Variants in POMT1 observed in about 807,000 individuals in gnomAD.
POMT1 encodes protein O-mannosyl-transferase 1.
A neutral mutation model predicts 101.6 loss-of-function variants in POMT1; 85 were observed. The observed-to-expected ratio is 0.84, with a 90% CI of 0.70 to 1.00. The LOEUF (loss-of-function observed/expected upper bound fraction) is 1.00, where lower values mean the gene tolerates loss of function less well. Ranked by LOEUF, POMT1 falls within the 50% of genes least tolerant of loss-of-function variation. The probability of loss-of-function intolerance (pLI) is 0.00; values close to 1 mark genes in which losing one functional copy is unlikely to be tolerated. For synonymous variants in POMT1, 371 were observed against 383.0 expected (o/e 0.97, Z 0.37); for missense variants, 857 against 930.4 (o/e 0.92, Z 1.03).
chr9:131,517,185 C>T (rs568661200), intron 13 of POMT1, among the ~76,000 whole-genome samples: 12 of 152,212 alleles, frequency 7.9e-5, no homozygotes, highest in Admixed American at 1.3e-4. Flanking sequence ...GAGTTAGCAC[C>T]ACGTCCTCAT....
At chr9:131,518,144 A>C in intron 13 of POMT1, 1 of 434,678 alleles carries the variant, frequency 2.3e-6, no homozygotes, top group Non-Finnish European at 4.5e-6. Context: ...TCTGAGCCCT[A>C]TGAATAGGCT....
At position 131,523,529 on chromosome 9, in the gene POMT1, C is replaced by T. The variant is rs1950367204; in HGVS notation, c.*423C>T. ...ACCCAGCAACCTGAGCAAGTCCCGG[C>T]CCTGCCCTCAGCGAGCCCGGCAGGC... On this transcript the variant is annotated 3_prime_UTR_variant, in exon 20 of 20. Coordinates refer to ENST00000402686, the MANE Select transcript of POMT1 (RefSeq NM_001077365.2). 3.5e-5 allele frequency: 10 copies of T among 285,664 alleles called. No homozygotes were observed. The highest frequency in any genetic ancestry group is 3.2e-4 in the South Asian group (9 of 28,446). 17.7% of individuals were successfully genotyped at this position (285,664 alleles called of 1,614,324 possible).
At chr9:131,513,470 A>G in intron 12 of POMT1, 139 bp downstream of exon 12, 2 of 846,716 alleles carry the variant, frequency 2.4e-6, no homozygotes, top group Non-Finnish European at 3.9e-6. Context: ...TCTTAGACCT[A>G]CATTTGATGC....
In POMT1 at chr9:131,522,744, CA is replaced by C. The variant is rs1296716820; in HGVS notation, c.2004-187del. On this transcript the variant is annotated intron_variant, in intron 19 of 19. Coordinates refer to ENST00000402686, the MANE Select transcript of POMT1 (RefSeq NM_001077365.2). This position sits in a 1 kb window ranked among gnomAD's most constrained non-coding sequence, Gnocchi z 5.5. Reference sequence around the variant, plus strand: ...CCACTGTGGAGGCCTGAGGAGTCATCAGGGGGCCCCTCTCAGTGCATCCAGG... The same window carrying C: ...CCACTGTGGAGGCCTGAGGAGTCATCGGGGGCCCCTCTCAGTGCATCCAGG... Among the ~76,000 whole-genome samples, 3 of 152,150 alleles carry C rather than the reference CA, an allele frequency of 2.0e-5. No homozygotes were observed. The highest frequency in any genetic ancestry group is 3.8e-4 in the East Asian group (2 of 5,198).
chr9:131,507,524 G>A lies in POMT1; in HGVS notation c.427+10G>A. The A allele has an allele frequency of 1.2e-6, 2 of 1,614,006 alleles. No homozygotes were observed. The highest frequency in any genetic ancestry group is 1.1e-5 in the South Asian group (1 of 91,078). ...CTGTTGATGCTTATCGGTAAGACCT[G>A]CGCCCCTGCCTGCTCTTGCTGTCAT... On this transcript the variant is annotated intron_variant, in intron 5 of 19. Coordinates refer to ENST00000402686, the MANE Select transcript of POMT1 (RefSeq NM_001077365.2).
intron 18 of POMT1, among the ~76,000 whole-genome samples, 192 bp downstream of exon 18, chr9:131,521,664 C>T (rs943206524): frequency 2.6e-5 from 4 of 152,182 alleles, no homozygotes; most frequent in African/African-American, 9.7e-5. Context: ...GGAACCTACC[C>T]CTTAACGCGG....
intron 17 of POMT1, 125 bp from the exon 18 acceptor site, chr9:131,521,221 C>A: frequency 1.5e-6 from 2 of 1,354,502 alleles, no homozygotes; most frequent in Non-Finnish European, 2.1e-6. Context: ...GGATGCTAGG[C>A]TGTGCCTGGC....
rs1484569287 is a variant in POMT1 at position 131,516,208 on chromosome 9, AGAGCACTTCCTCACACG to A, written c.1272+706_1272+722del. On this transcript the variant is annotated intron_variant, in intron 13 of 19. Coordinates refer to ENST00000402686, the MANE Select transcript of POMT1 (RefSeq NM_001077365.2). The stretch of plus-strand genomic sequence containing the variant: ...TCTAACACAGGACACTTCCTCACAC[AGAGCACTTCCTCACACG>A]GAGCACTTCCTCACACGGAACACTT... Among the ~76,000 whole-genome samples the A allele has an allele frequency of 4.9e-4, 57 of 117,394 alleles. 1 individual carries two copies. The highest frequency in any genetic ancestry group is 1.6e-3 in the African/African-American group (48 of 30,834). 77.0% of individuals were successfully genotyped at this position (117,394 alleles called of 152,430 possible).
At chr9:131,515,912 ATGGAG>A (rs2131776893) in intron 13 of POMT1, among the ~76,000 whole-genome samples, 2 of 127,700 alleles carry the variant, frequency 1.6e-5, no homozygotes, top group Non-Finnish European at 3.4e-5. Flanking sequence ...ACTTCCTCAC[ATGGAG>A]CACTTCCTCA....
Position 131,523,183 on chromosome 9 carries a change from C to T in POMT1, c.*77C>T, listed in dbSNP as rs1201269659. On this transcript the variant is annotated 3_prime_UTR_variant, in exon 20 of 20. Transcript: ENST00000402686. ...GGTCTTGGTCAATGTACGTAATGAG[C>T]AGGGTGGGCCCCACGCTGGGAGGAC... The T allele has an allele frequency of 6.5e-7, 1 of 1,536,532 alleles. No homozygotes were observed. Among genetic ancestry groups the T allele is most frequent in the Admixed American group, 1.8e-5 (1 of 54,936 alleles).
intron 5 of POMT1, among the ~76,000 whole-genome samples, chr9:131,507,912 A>G (rs1246530267): frequency 4.7e-4 from 71 of 152,170 alleles, no homozygotes; most frequent in Admixed American, 6.5e-5. Flanking sequence ...GCTCACGTTT[A>G]TGAACAGATG....
intron 9 of POMT1, 195 bp from the exon 10 acceptor site, chr9:131,511,142 A>G (rs1947033227): frequency 3.3e-6 from 2 of 610,338 alleles, no homozygotes; most frequent in Non-Finnish European, 5.5e-6. Context: ...CAGAGGCAGC[A>G]TTTGATCAGA....
rs749726617 is a variant in POMT1 at position 131,522,681 on chromosome 9, G to C, written c.2004-251G>C. The C allele has an allele frequency of 3.1e-4, 186 of 591,430 alleles. No homozygotes were observed. The highest frequency in any genetic ancestry group is 5.3e-4 in the Non-Finnish European group (175 of 332,340). The allele number at this position is 591,430 out of a possible 1,614,324, so 36.6% of individuals were successfully genotyped here. ...CCACACAAGGGAGGACCGTGGGTTT[G>C]GGACCAGTCCTCTGGCATCTGTGTG... is the stretch of plus-strand genomic sequence containing the variant. On this transcript the variant is annotated intron_variant, in intron 19 of 19. Coordinates refer to ENST00000402686, the MANE Select transcript of POMT1 (RefSeq NM_001077365.2). The surrounding 1 kb of genome is among the most constrained non-coding windows in gnomAD (Gnocchi z 5.5).
chr9:131,508,092 C>G (rs1431598964), intron 5 of POMT1, among the ~76,000 whole-genome samples: 1 of 151,466 alleles, frequency 6.6e-6, no homozygotes, highest in Non-Finnish European at 1.5e-5. Flanking sequence ...AAAAAATTAG[C>G]TGGGTGTGGT....
At position 131,506,473 on chromosome 9, in the gene POMT1, T is replaced by C; in HGVS notation, c.280+20T>C. On this transcript the variant is annotated intron_variant, in intron 4 of 19. Transcript: ENST00000402686. ...GAGCAGGTAAAAGATAATTTTCATT[T>C]CCCTTTTAATGTGCGCAGGTTAGAA... 1.3e-6 allele frequency: 2 copies of C among 1,598,226 alleles called. No individual in the cohort carries two copies. The highest frequency in any genetic ancestry group is 8.6e-7 in the Non-Finnish European group (1 of 1,165,564).
rs1378023866 is a variant in POMT1 at position 131,519,483 on chromosome 9, G to A, written c.1581G>A (p.Leu527=). The A allele has an allele frequency of 5.2e-6, 8 of 1,550,136 alleles. No homozygotes were observed. Among genetic ancestry groups the A allele is most frequent in the Non-Finnish European group, 7.0e-6 (8 of 1,146,972 alleles). The part of the protein sequence containing the change: ...NLSFMARFSE[L]QWRMLALRSD... ...GCTTCATGGCGAGATTCTCGGAGCT[G>A]CAGGTGAGGAGCGGCCAGGGGAAGC... The change falls in exon 16 of 20, where the codon CTG becomes CTA. Residue 527 remains leucine, a synonymous_variant. Coordinates refer to ENST00000402686, the MANE Select transcript of POMT1 (RefSeq NM_001077365.2). The surrounding 1 kb of genome is among the most constrained non-coding windows in gnomAD (Gnocchi z 4.3).
rs1196112241 is a variant in POMT1, at chr9:131,523,063, T to C, written c.2135T>C (p.Leu712Pro). The C allele has an allele frequency of 6.2e-7, 1 of 1,611,566 alleles. No individual in the cohort carries two copies. Among genetic ancestry groups the C allele is most frequent in the South Asian group, 1.1e-5 (1 of 90,880 alleles). ...CTCTCGCCACATGAACTCAAGGCCC[T>C]TCGCTGGAAAGACAGCTGGGACATC... ...KSLSPHELKA[L>P]RWKDSWDILI... The change falls in exon 20 of 20, where the codon CTT becomes CCT. Residue 712 changes from leucine to proline, a missense_variant. Physicochemically the swap from Leu to Pro is moderately conservative, Grantham distance 98 (BLOSUM62 -3). Coordinates refer to ENST00000402686, the MANE Select transcript of POMT1 (RefSeq NM_001077365.2).
At chr9:131,518,565 G>A in intron 14 of POMT1, 28 bp downstream of exon 14, 2 of 1,582,946 alleles carry the variant, frequency 1.3e-6, no homozygotes, top group Non-Finnish European at 1.7e-6. Flanking sequence ...GGCTTGGCCT[G>A]TCCTGAGCTG....
Position 131,519,519 on chromosome 9 carries a change from C to A in POMT1, c.1584+33C>A. ...GCGGCCAGGGGAAGCTGGCCTAGCT[C>A]GCTGAGCATTGACTCCTCAGCAGGG... On this transcript the variant is annotated intron_variant, in intron 16 of 19. Transcript: ENST00000402686. The surrounding 1 kb of genome is among the most constrained non-coding windows in gnomAD (Gnocchi z 4.3). 6.5e-7 allele frequency: 1 copy of A among 1,542,984 alleles called. No homozygotes were observed. Among genetic ancestry groups the A allele is most frequent in the South Asian group, 1.2e-5 (1 of 83,922 alleles).
Sources: gnomAD v4.1 joint callset for allele counts (sites outside exome capture counted in the v4.1 genomes callset) on GRCh38, gnomAD v4.1.1 for gene constraint, Gnocchi (gnomAD v3.1) non-coding constraint, MANE v1.5 for transcripts, NCBI Gene and HGNC (gene_info 2026-07-23, HGNC 2026-07-21) for gene names.